NSUN4: variants seen among roughly 807,000 people sequenced by gnomAD.
NSUN4 encodes the protein NOP2/Sun RNA methyltransferase 4, also known as 5-cytosine rRNA methyltransferase NSUN4.
NSUN4 carries 31 observed loss-of-function variants against 43.8 expected under a neutral mutation model. The ratio of observed to expected loss-of-function variants is 0.71; its 90% CI spans 0.53 to 0.96. The LOEUF (loss-of-function observed/expected upper bound fraction) is 0.96. Ranked by LOEUF, NSUN4 falls within the 40% of genes least tolerant of loss-of-function variation. The pLI is 0.00. For missense variants in NSUN4, 439 were observed against 475.6 expected, an observed-to-expected ratio of 0.92 and a Z score of 0.72; for synonymous variants, 167 against 184.1, an observed-to-expected ratio of 0.91 and a Z score of 0.75.
At chr1:46,350,299 G>A (rs1662885553) in intron 3 of NSUN4, among the ~76,000 whole-genome samples, 3 of 152,172 alleles carry the variant, frequency 2.0e-5, no homozygotes, top group Admixed American at 6.5e-5. Flanking sequence ...CTAGGAGGCT[G>A]AGGCAGGTGG....
chr1:46,344,930 G>A lies in NSUN4; in HGVS notation c.223G>A (p.Ala75Thr), dbSNP rs1247860762. Residue 75 changes from alanine (A) to threonine (T), a missense_variant, in exon 2 of 6, where the codon GCA (alanine) becomes ACA (threonine). Physicochemically the swap from Ala to Thr is moderately conservative, Grantham distance 58 (BLOSUM62 0). Transcript: ENST00000474844. ...TCTCCTCTCAGAGCAGAAGTATGGT[G>A]CACTGGTCAATAACTTTGCTGCCTG... The part of the protein sequence containing the change: ...VSLLSEQKYG[A>T]LVNNFAAWDH... 3 of 1,614,190 alleles carry A rather than the reference G, an allele frequency of 1.9e-6. No homozygotes were observed. The highest frequency in any genetic ancestry group is 3.3e-5 in the Admixed American group (2 of 60,032).
chr1:46,360,249 A>AAAAAAAAAAT (rs1553177947), intron 4 of NSUN4, among the ~76,000 whole-genome samples: 2 of 25,766 alleles, frequency 7.8e-5, no homozygotes, highest in African/African-American at 2.6e-4. Context: ...AAAAAAAAAA[A>AAAAAAAAAAT]ATATATATAT....
chr1:46,353,120 T>C lies in NSUN4; in HGVS notation c.753+92T>C, dbSNP rs1195053432. On this transcript the variant is annotated intron_variant, in intron 4 of 5. Coordinates refer to ENST00000474844, the MANE Select transcript of NSUN4 (RefSeq NM_199044.4). ...CTGAGGGGTTAGGATCCAGCCCCTATGTTTGAGCATGTAGAGCTGTTTCTG... is the reference window on the plus strand; with the variant it reads ...CTGAGGGGTTAGGATCCAGCCCCTACGTTTGAGCATGTAGAGCTGTTTCTG... 5 of 1,180,916 alleles carry C rather than the reference T, an allele frequency of 4.2e-6. No individual in the cohort carries two copies. The African/African-American group carries it at 4.5e-5, about 11-fold the overall frequency. The allele number at this position is 1,180,916 out of a possible 1,614,324, so 73.2% of individuals were successfully genotyped here. A position where few individuals can be genotyped will look rare whatever the true frequency, so the allele number is the denominator to read the frequency against.
At position 46,347,058 on chromosome 1, in the gene NSUN4, T is replaced by G. The variant is rs749914879; in HGVS notation, c.575T>G (p.Leu192Arg). The G allele has an allele frequency of 6.8e-6, 11 of 1,614,004 alleles. No homozygotes were observed. The highest frequency in any genetic ancestry group is 9.3e-6 in the Non-Finnish European group (11 of 1,179,926). ...CCTGGGGGAAAGACACTAGCGTTGC[T>G]TCAGACTGGCTGTTGCCGTAAGTCA... ...AAPGGKTLAL[L>R]QTGCCRNLAA... The change falls in exon 3 of 6, where the codon CTT becomes CGT. Residue 192 changes from leucine to arginine, a missense_variant. Transcript: ENST00000474844.
chr1:46,345,249 T>C (rs895847857), intron 2 of NSUN4, 105 bp downstream of exon 2: 19 of 805,148 alleles, frequency 2.4e-5, no homozygotes, highest in Admixed American at 1.1e-4. Context: ...ATATTGCTAA[T>C]ATTTATGGCA....
chr1:46,361,962 G>C lies in NSUN4; in HGVS notation c.*116G>C, dbSNP rs948365767. On this transcript the variant is annotated 3_prime_UTR_variant, in exon 6 of 6. Transcript: ENST00000474844. The stretch of plus-strand genomic sequence containing the variant: ...TCTCGGTCCTGTCTCCATCCTGTTC[G>C]TGTCTTTCTGCAGTTTTCGGCAATA... 1 of 948,426 alleles carries C rather than the reference G, an allele frequency of 1.1e-6. No homozygotes were observed. The highest frequency in any genetic ancestry group is 1.6e-6 in the Non-Finnish European group (1 of 642,908). The allele number at this position is 948,426 out of a possible 1,614,324, so 58.8% of individuals were successfully genotyped here.
intron 3 of NSUN4, among the ~76,000 whole-genome samples, chr1:46,347,991 C>T (rs60123014): frequency 0.22 from 33,764 of 151,396 alleles, 4,245 homozygotes; most frequent in Non-Finnish European, 0.29. Context: ...CATTCTCCTG[C>T]CTCAGCCTCC....
At chr1:46,378,695 T>C in the NSUN4 span, among the ~76,000 whole-genome samples, 2 of 152,250 alleles carry the variant, frequency 1.3e-5, no homozygotes, top group African/African-American at 4.8e-5. Context: ...CCATTTATTA[T>C]TGTCTGAGTC....
chr1:46,346,289 C>G (rs1312607209), intron 2 of NSUN4, among the ~76,000 whole-genome samples: 1 of 151,976 alleles, frequency 6.6e-6, no homozygotes, highest in Non-Finnish European at 1.5e-5. Flanking sequence ...GTGGTTCACA[C>G]CTGTAATCCC....
chr1:46,381,959 G>A, the NSUN4 span, among the ~76,000 whole-genome samples: 1 of 152,206 alleles, frequency 6.6e-6, no homozygotes, highest in African/African-American at 2.4e-5. Context: ...AGACAGAAAC[G>A]CGAGGATTTG....
downstream of NSUN4, among the ~76,000 whole-genome samples, chr1:46,368,057 G>A (rs1450164413): frequency 6.6e-6 from 1 of 152,064 alleles, no homozygotes; most frequent in Non-Finnish European, 1.5e-5. Flanking sequence ...GAGCCACTGC[G>A]CCCAGCCACA....
chr1:46,383,678 A>T, the NSUN4 span, among the ~76,000 whole-genome samples: 7 of 151,206 alleles, frequency 4.6e-5, no homozygotes, highest in African/African-American at 1.7e-4. Context: ...GATGGTCTCG[A>T]TCTCCTGACC....
At chr1:46,369,147 C>T (rs1664198637), downstream of NSUN4, among the ~76,000 whole-genome samples, 1 of 152,208 alleles carries the variant, frequency 6.6e-6, no homozygotes, top group Admixed American at 6.5e-5. Context: ...TTTCTCTAAT[C>T]CTTCTAAAGC....
the NSUN4 span, among the ~76,000 whole-genome samples, chr1:46,384,239 T>G: frequency 2.0e-5 from 3 of 152,212 alleles, no homozygotes; most frequent in African/African-American, 4.8e-5. Flanking sequence ...AAGAGAAATT[T>G]AGAACTCACA....
At position 46,347,079 on chromosome 1, in the gene NSUN4, A is replaced by T; in HGVS notation, c.592+4A>T. 1 of 1,613,334 alleles carries T rather than the reference A, an allele frequency of 6.2e-7. No homozygotes were observed. Among genetic ancestry groups the T allele is most frequent in the Non-Finnish European group, 8.5e-7 (1 of 1,179,574 alleles). The stretch of plus-strand genomic sequence containing the variant: ...TTGCTTCAGACTGGCTGTTGCCGTA[A>T]GTCAGGGTGCTGGTGTGTTGGGCAG... On this transcript the variant is annotated splice_donor_region_variant and intron_variant, in intron 3 of 5. Coordinates refer to ENST00000474844, the MANE Select transcript of NSUN4 (RefSeq NM_199044.4).
Position 46,346,902 on chromosome 1 carries a change from G to T in NSUN4, c.438-19G>T, listed in dbSNP as rs779320590. ...TCCTGACCTGGAATTTAACAATAAA[G>T]TGGTCTCCTCTTTTCCAGACCTGGC... On this transcript the variant is annotated intron_variant, in intron 2 of 5. Coordinates refer to ENST00000474844, the MANE Select transcript of NSUN4 (RefSeq NM_199044.4). The T allele has an allele frequency of 1.9e-6, 3 of 1,607,384 alleles. No individual in the cohort carries two copies. Among genetic ancestry groups the T allele is most frequent in the African/African-American group, 2.7e-5 (2 of 74,850 alleles).
intron 4 of NSUN4, 36 bp from the exon 5 acceptor site, chr1:46,360,668 G>A (rs1219636495): frequency 6.2e-7 from 1 of 1,606,322 alleles, no homozygotes; most frequent in East Asian, 2.2e-5. Context: ...AGCCTATAAG[G>A]ATCTTTAATA....
At position 46,344,898 on chromosome 1, in the gene NSUN4, G is replaced by C. The variant is rs140936833; in HGVS notation, c.191G>C (p.Arg64Pro). The change falls in exon 2 of 6, where the codon CGT becomes CCT. Residue 64 changes from arginine to proline, a missense_variant. Physicochemically the swap from Arg to Pro is moderately radical, Grantham distance 103. Coordinates refer to ENST00000474844, the MANE Select transcript of NSUN4 (RefSeq NM_199044.4). ...TTTGGAGATCTTTGGCCATCAATCC[G>C]TGTCAGTCTCCTCTCAGAGCAGAAG... ...VQFGDLWPSI[R>P]VSLLSEQKYG... 2 of 1,614,194 alleles carry C rather than the reference G, an allele frequency of 1.2e-6. No homozygotes were observed.
rs1662435148 is a variant in NSUN4, at chr1:46,345,646, AGG to A, written c.437+503_437+504del. ...AGCAAAGAGGTAGTGGGACTTTCCT[AGG>A]AAATAGGGCTGGTCTAGGGGCACAA... On this transcript the variant is annotated intron_variant, in intron 2 of 5. Transcript: ENST00000474844. Among the ~76,000 whole-genome samples the A allele has an allele frequency of 3.3e-5, 5 of 152,210 alleles. No individual in the cohort carries two copies. The South Asian group carries it at 1.0e-3, about 32-fold the overall frequency.
Sources: allele counts gnomAD v4.1 joint callset (sites outside exome capture counted in the v4.1 genomes callset), GRCh38; gene constraint gnomAD v4.1.1; transcripts MANE v1.5; gene names NCBI Gene and HGNC (gene_info 2026-07-23, HGNC 2026-07-21).